Variants in RIMBP2 observed in about 807,000 individuals in gnomAD.
The protein encoded by RIMBP2 is RIMS-binding protein 2.
In RIMBP2, 48 loss-of-function variants were observed where a neutral mutation model predicts 118.6. That is an observed-to-expected ratio of 0.40 (90% CI 0.32 to 0.51). The LOEUF (loss-of-function observed/expected upper bound fraction) is 0.51, where lower values mean the gene tolerates loss of function less well. Ranked by LOEUF, RIMBP2 falls within the 20% of genes least tolerant of loss-of-function variation. The pLI is 0.41. For synonymous variants in RIMBP2, 762 were observed against 742.9 expected, an observed-to-expected ratio of 1.03 and a Z score of -0.42; for missense variants, 1,551 against 1,768.3, an observed-to-expected ratio of 0.88 and a Z score of 2.20.
intron 17 of RIMBP2, 114 bp from the exon 18 acceptor site, chr12:130,414,420 CT>C (rs2075975570): frequency 9.4e-7 from 1 of 1,061,846 alleles, no homozygotes; most frequent in Admixed American, 2.7e-5. Flanking sequence ...TGACTTTTGT[CT>C]TTTTTGTGTC....
chr12:130,615,272 C>CACATATATATATATAT (rs1429575646), intron 2 of RIMBP2, among the ~76,000 whole-genome samples: 11 of 38,782 alleles, frequency 2.8e-4, no homozygotes, highest in Admixed American at 5.9e-4. Flanking sequence ...ACATAATACA[C>CACATATATATATATAT]ATACATATAT....
At chr12:130,501,411 A>G (rs1247538385) in intron 4 of RIMBP2, among the ~76,000 whole-genome samples, 1 of 152,190 alleles carries the variant, frequency 6.6e-6, no homozygotes, top group Non-Finnish European at 1.5e-5. Context: ...CACTCCCTGC[A>G]TCTGAGGTAG....
chr12:130,492,820 A>C (rs1008265794), intron 4 of RIMBP2, among the ~76,000 whole-genome samples: 6 of 152,216 alleles, frequency 3.9e-5, no homozygotes, highest in Non-Finnish European at 7.3e-5. Context: ...AATGAGATTA[A>C]ATGTTAGATT....
intron 2 of RIMBP2, among the ~76,000 whole-genome samples, chr12:130,612,115 C>T (rs1283108090): frequency 6.6e-6 from 1 of 152,090 alleles, no homozygotes; most frequent in African/African-American, 2.4e-5. Flanking sequence ...TCACACAGCA[C>T]AGCTCAGAGT....
chr12:130,458,546 C>T (rs1214850262), intron 6 of RIMBP2, among the ~76,000 whole-genome samples: 2 of 152,260 alleles, frequency 1.3e-5, no homozygotes, highest in Middle Eastern at 3.4e-3. Context: ...TGCCACTGCC[C>T]GCTGCAGGCA....
In RIMBP2 at chr12:130,609,366, T is replaced by TA. The variant is rs1243978713; in HGVS notation, c.-217+18955dup. On this transcript the variant is annotated intron_variant, in intron 2 of 22. Coordinates refer to ENST00000690449, the MANE Select transcript of RIMBP2 (RefSeq NM_001393629.1). The stretch of plus-strand genomic sequence containing the variant: ...ACAACGGAATGCTGTTCAGCCATTT[T>TA]AAAAAAAAATGAAATCCTGACACTG... Among the ~76,000 whole-genome samples, 783 of 151,606 alleles carry TA rather than the reference T, an allele frequency of 5.2e-3. 10 individuals carry two copies. Among genetic ancestry groups the TA allele is most frequent in the African/African-American group, 0.017 (719 of 41,276 alleles).
chr12:130,413,977 C>T (rs941057463), intron 18 of RIMBP2, 148 bp downstream of exon 18: 6 of 856,978 alleles, frequency 7.0e-6, no homozygotes, highest in Non-Finnish European at 9.2e-6. Flanking sequence ...CTTGCCGTCA[C>T]AGCACCATGC....
chr12:130,607,343 G>A (rs2060252007), intron 2 of RIMBP2, among the ~76,000 whole-genome samples: 1 of 152,136 alleles, frequency 6.6e-6, no homozygotes, highest in South Asian at 2.1e-4. Flanking sequence ...CCCTACCCAT[G>A]ACCGCATCTG....
At chr12:130,515,209 A>G (rs1039313117) in intron 3 of RIMBP2, among the ~76,000 whole-genome samples, 1 of 152,130 alleles carries the variant, frequency 6.6e-6, no homozygotes, top group Admixed American at 6.5e-5. Context: ...ATTATGATAA[A>G]ATACACATTA....
chr12:130,661,503 C>G (rs918198527), intron 1 of RIMBP2, among the ~76,000 whole-genome samples: 1 of 152,262 alleles, frequency 6.6e-6, no homozygotes, highest in Admixed American at 6.5e-5. Flanking sequence ...TAAACCATTA[C>G]TGGTCATATG....
Position 130,450,437 on chromosome 12 carries a change from C to A in RIMBP2, c.505-161G>T, listed in dbSNP as rs547672033. On this transcript the variant is annotated intron_variant, in intron 8 of 22. Coordinates refer to ENST00000690449, the MANE Select transcript of RIMBP2 (RefSeq NM_001393629.1). The surrounding 1 kb of genome is among the most constrained non-coding windows in gnomAD (Gnocchi z 4.8). ...GCACTGCCACCCGCACACCCACATG[C>A]GAGCTTGGAAAGGAGGGTGGTCCCT... is the stretch of plus-strand genomic sequence containing the variant. Among the ~76,000 whole-genome samples, 1 of 151,896 alleles carries A rather than the reference C, an allele frequency of 6.6e-6. No homozygotes were observed. Among genetic ancestry groups the A allele is most frequent in the Non-Finnish European group, 1.5e-5 (1 of 67,982 alleles).
intron 1 of RIMBP2, among the ~76,000 whole-genome samples, chr12:130,707,427 G>C (rs550175400): frequency 4.9e-4 from 75 of 152,188 alleles, no homozygotes; most frequent in Non-Finnish European, 9.4e-4. Flanking sequence ...GATGGCTGCT[G>C]TCATGGCAGG....
chr12:130,397,677 T>G, intron 22 of RIMBP2, 128 bp from the exon 23 acceptor site: 1 of 395,730 alleles, frequency 2.5e-6, no homozygotes, highest in Non-Finnish European at 4.5e-6. Context: ...TTTCAGTTGT[T>G]GAAGTATGCC....
chr12:130,538,904 TGGGAGGAAGCA>T (rs751220831), intron 2 of RIMBP2, among the ~76,000 whole-genome samples: 23 of 151,822 alleles, frequency 1.5e-4, no homozygotes, highest in Non-Finnish European at 1.8e-4. Flanking sequence ...CCAGGCAAGG[TGGGAGGAAGCA>T]GGGTGGTCGA....
Position 130,437,291 on chromosome 12 carries a change from C to A in RIMBP2, c.1657G>T (p.Val553Leu). 6.4e-7 allele frequency: 1 copy of A among 1,573,876 alleles called. No homozygotes were observed. Among genetic ancestry groups the A allele is most frequent in the Non-Finnish European group, 8.6e-7 (1 of 1,167,690 alleles). The change falls in exon 13 of 23, where the codon GTG (valine) becomes TTG (leucine). Residue 553 changes from valine to leucine, a missense_variant and splice_region_variant. Around this residue, in one of 5 missense-constraint regions of RIMBP2, gnomAD observed 1,038 missense variants for 1,125.1 expected, o/e 0.92. Coordinates refer to ENST00000690449, the MANE Select transcript of RIMBP2 (RefSeq NM_001393629.1). ...GCCGTGGGGAAGATGACTTCAGCCA[C>A]CTGTGGACAAGCAGAGCTGGCTCGC... ...GYGVYAKGQR[V>L]AEVIFPTADS...
chr12:130,532,323 T>C, intron 2 of RIMBP2, among the ~76,000 whole-genome samples: 1 of 149,650 alleles, frequency 6.7e-6, no homozygotes, highest in South Asian at 2.1e-4. Context: ...GTTTAGCCTC[T>C]AGGAGGTACG....
chr12:130,489,253 T>C (rs551145796), intron 4 of RIMBP2, among the ~76,000 whole-genome samples: 28 of 152,280 alleles, frequency 1.8e-4, no homozygotes, highest in African/African-American at 5.5e-4. Context: ...ACGCATCGGA[T>C]AGAATGGTGG....
Position 130,446,421 on chromosome 12 carries a change from A to G in RIMBP2, c.582-1152T>C, listed in dbSNP as rs2137258856. Among the ~76,000 whole-genome samples, 1 of 152,350 alleles carries G rather than the reference A, an allele frequency of 6.6e-6. No individual in the cohort carries two copies. On this transcript the variant is annotated intron_variant, in intron 9 of 22. Coordinates refer to ENST00000690449, the MANE Select transcript of RIMBP2 (RefSeq NM_001393629.1). This position sits in a 1 kb window ranked among gnomAD's most constrained non-coding sequence, Gnocchi z 4.1. ...GTCAGGCAACATGCCCAAAGTCACAAGCTTATGAATCGGTGGAAGGGGAAC... is the reference window on the plus strand; with the variant it reads ...GTCAGGCAACATGCCCAAAGTCACAGGCTTATGAATCGGTGGAAGGGGAAC...
In RIMBP2 at chr12:130,450,950, C is replaced by T. The variant is rs1442412564; in HGVS notation, c.504+245G>A. ...CCTCGATGGGATTTGCTTTTCTAAACGCTGCCTCGCCAGTGTTCTCTCTGC... is the reference window on the plus strand; with the variant it reads ...CCTCGATGGGATTTGCTTTTCTAAATGCTGCCTCGCCAGTGTTCTCTCTGC... On this transcript the variant is annotated intron_variant, in intron 8 of 22. Transcript: ENST00000690449. The surrounding 1 kb of genome is among the most constrained non-coding windows in gnomAD (Gnocchi z 4.8). Among the ~76,000 whole-genome samples, 5 of 152,198 alleles carry T rather than the reference C, an allele frequency of 3.3e-5. No homozygotes were observed. The highest frequency in any genetic ancestry group is 7.3e-5 in the Non-Finnish European group (5 of 68,036).
Sources: gnomAD v4.1 joint callset for allele counts (sites outside exome capture counted in the v4.1 genomes callset) on GRCh38, gnomAD v4.1.1 for gene constraint, gnomAD v4.1.1 regional missense constraint, Gnocchi (gnomAD v3.1) non-coding constraint, MANE v1.5 for transcripts, NCBI Gene and HGNC (gene_info 2026-07-23, HGNC 2026-07-21) for gene names.